YWHAZ: variants seen among roughly 807,000 people sequenced by gnomAD.
YWHAZ encodes tyrosine 3-monooxygenase/tryptophan 5-monooxygenase activation protein zeta, also known as 14-3-3 protein zeta/delta.
For missense variants in YWHAZ, 79 were observed against 284.8 expected (o/e 0.28, Z 5.20); for synonymous variants, 87 against 103.6 (o/e 0.84, Z 0.97).
intron 2 of YWHAZ, 23 bp from the exon 3 acceptor site, chr8:100,925,062 A>G (rs1813266873): frequency 2.5e-6 from 4 of 1,593,590 alleles, no homozygotes; most frequent in Admixed American, 1.8e-5. Context: ...AGAAACAGAC[A>G]TAGTGAGAAT....
At position 100,917,912 on chromosome 8, in the gene YWHAZ, A is replaced by T. The variant is rs181853150; in HGVS notation, c.*2781T>A. ...TCAGGTTGGAAATTTTCCTTAATCT[A>T]TTGGGAACTACTATGTAGAAAACAT... On this transcript the variant is annotated 3_prime_UTR_variant, in exon 6 of 6. Coordinates refer to ENST00000395958, the MANE Select transcript of YWHAZ (RefSeq NM_145690.3). 19 of 152,312 alleles carry T rather than the reference A, an allele frequency of 1.2e-4. No homozygotes were observed. Among genetic ancestry groups the T allele is most frequent in the Admixed American group, 2.0e-4 (3 of 15,300 alleles). 9.4% of individuals were successfully genotyped at this position (152,312 alleles called of 1,614,324 possible). A position where few individuals can be genotyped will look rare whatever the true frequency, so the allele number is the denominator to read the frequency against.
At chr8:100,927,364 A>C (rs1446214165) in intron 2 of YWHAZ, among the ~76,000 whole-genome samples, 1 of 152,130 alleles carries the variant, frequency 6.6e-6, no homozygotes, top group African/African-American at 2.4e-5. Flanking sequence ...CTCTACAAAA[A>C]AATTTAAAAG....
chr8:100,920,698 T>A lies in YWHAZ; in HGVS notation c.733A>T (p.Asn245Tyr). The A allele has an allele frequency of 6.2e-7, 1 of 1,608,816 alleles. No individual in the cohort carries two copies. Among genetic ancestry groups the A allele is most frequent in the Non-Finnish European group, 8.5e-7 (1 of 1,177,784 alleles). ...GACAAAAGTTGGAAGGCCGGTTAAT[T>A]TTCCCCTCCTTCTCCTGCTTCAGCT... ...DEAEAGEGGE[N>Y] Residue 245 changes from asparagine to tyrosine, a missense_variant, in exon 6 of 6, where the codon AAT (asparagine) becomes TAT (tyrosine). Coordinates refer to ENST00000395958, the MANE Select transcript of YWHAZ (RefSeq NM_145690.3).
At chr8:100,943,915 A>G (rs899915450) in intron 2 of YWHAZ, among the ~76,000 whole-genome samples, 13 of 148,442 alleles carry the variant, frequency 8.8e-5, no homozygotes, top group Admixed American at 2.1e-4. Context: ...TGAGCCCGGA[A>G]GGCAGAGCTT....
Position 100,920,482 on chromosome 8 carries a change from C to G in YWHAZ, c.*211G>C, listed in dbSNP as rs1586076655. On this transcript the variant is annotated 3_prime_UTR_variant, in exon 6 of 6. Transcript: ENST00000395958. ...TTCCACATCCCCATATTGGCCACCT[C>G]AAGATGAAAACAGATAACTCCCTAA... is the stretch of plus-strand genomic sequence containing the variant. 1.7e-6 allele frequency: 1 copy of G among 576,752 alleles called. No homozygotes were observed. The highest frequency in any genetic ancestry group is 3.0e-5 in the East Asian group (1 of 33,488). 35.7% of individuals were successfully genotyped at this position (576,752 alleles called of 1,614,324 possible).
intron 2 of YWHAZ, among the ~76,000 whole-genome samples, chr8:100,947,058 C>T (rs560271979): frequency 1.3e-5 from 2 of 151,260 alleles, no homozygotes; most frequent in South Asian, 4.2e-4. Flanking sequence ...TCGAGACCAT[C>T]CTGGCTAACA....
rs1417734887 is a variant in YWHAZ, at chr8:100,950,342, C to G, written c.-11-1442G>C. The G allele has an allele frequency of 9.2e-6, 9 of 980,646 alleles. No individual in the cohort carries two copies. The South Asian group carries it at 3.8e-4, about 41-fold the overall frequency. The allele number at this position is 980,646 out of a possible 1,614,324, so 60.7% of individuals were successfully genotyped here. On this transcript the variant is annotated intron_variant, in intron 1 of 5. Transcript: ENST00000395958. ...GTGGATAAGGTTTCTCACACAGTAA[C>G]GAGTGCTCCAAGGCCTCGCCTCTAC...
In YWHAZ at chr8:100,918,411, T is replaced by TAA. The variant is rs1812802161; in HGVS notation, c.*2281_*2282insTT. The TAA allele has an allele frequency of 2.0e-5, 1 of 51,086 alleles. No homozygotes were observed. Among genetic ancestry groups the TAA allele is most frequent in the Non-Finnish European group, 3.8e-5 (1 of 26,530 alleles). The allele number at this position is 51,086 out of a possible 1,614,324, so 3.2% of individuals were successfully genotyped here. ...CTAGCTATAAAATATAATTACTTTA[T>TAA]ATATATATATATATATATATATATA... On this transcript the variant is annotated 3_prime_UTR_variant, in exon 6 of 6. Transcript: ENST00000395958.
At chr8:100,949,867 A>C (rs962472857) in intron 1 of YWHAZ, among the ~76,000 whole-genome samples, 1 of 152,136 alleles carries the variant, frequency 6.6e-6, no homozygotes, top group African/African-American at 2.4e-5. Context: ...ATTTTTCTGG[A>C]AAGATACCCT....
At chr8:100,939,721 G>T (rs866754508) in intron 2 of YWHAZ, among the ~76,000 whole-genome samples, 2 of 151,666 alleles carry the variant, frequency 1.3e-5, no homozygotes, top group Admixed American at 1.3e-4. Flanking sequence ...TGTTCCTAAA[G>T]ATTAAAAGTG....
Position 100,948,471 on chromosome 8 carries a change from CTT to C in YWHAZ, c.294+123_294+124del, listed in dbSNP as rs1214489856. 95 of 1,113,662 alleles carry C rather than the reference CTT, an allele frequency of 8.5e-5. No individual in the cohort carries two copies. Among genetic ancestry groups the C allele is most frequent in the South Asian group, 6.5e-4 (41 of 63,070 alleles). The allele number at this position is 1,113,662 out of a possible 1,614,324, so 69.0% of individuals were successfully genotyped here. On this transcript the variant is annotated intron_variant, in intron 2 of 5. Coordinates refer to ENST00000395958, the MANE Select transcript of YWHAZ (RefSeq NM_145690.3). This position sits in a 1 kb window ranked among gnomAD's most constrained non-coding sequence, Gnocchi z 4.2. ...CTTTTTAGTCATGACACCATGAAGA[CTT>C]TTAAATTTGGAACACACAATGTTTA... is the stretch of plus-strand genomic sequence containing the variant.
At chr8:100,930,171 T>C (rs1305134997) in intron 2 of YWHAZ, among the ~76,000 whole-genome samples, 7 of 152,242 alleles carry the variant, frequency 4.6e-5, no homozygotes, top group African/African-American at 1.7e-4. Flanking sequence ...TGATCTTGGC[T>C]CACTGCAACC....
At chr8:100,938,382 T>G (rs1814349787) in intron 2 of YWHAZ, among the ~76,000 whole-genome samples, 1 of 152,212 alleles carries the variant, frequency 6.6e-6, no homozygotes, top group South Asian at 2.1e-4. Flanking sequence ...AGATCAGATG[T>G]CCCTTTAACC....
At chr8:100,952,300 C>G (rs1313713133), upstream of YWHAZ, 2 of 290,830 alleles carry the variant, frequency 6.9e-6, no homozygotes, top group African/African-American at 2.3e-5. Context: ...ACGCTTGTCC[C>G]GAGTGCACCT....
chr8:100,952,233 G>A, upstream of YWHAZ: 1 of 863,252 alleles, frequency 1.2e-6, no homozygotes, highest in South Asian at 5.3e-5. Context: ...GCGGAGGCGC[G>A]CGCGTCCTCG....
chr8:100,942,604 TGAAA>T (rs1809955619), intron 2 of YWHAZ, among the ~76,000 whole-genome samples: 1 of 152,216 alleles, frequency 6.6e-6, no homozygotes, highest in African/African-American at 2.4e-5. Context: ...CTTCTGATGC[TGAAA>T]GACAGATAAT....
rs762338064 is a variant in YWHAZ at position 100,923,955 on chromosome 8, T to C, written c.678A>G (p.Thr226=). 6.2e-7 allele frequency: 1 copy of C among 1,610,414 alleles called. No individual in the cohort carries two copies. The highest frequency in any genetic ancestry group is 8.5e-7 in the Non-Finnish European group (1 of 1,178,718). ...LIMQLLRDNL[T]LWTSDTQGDE... is the part of the protein sequence containing the mutation. Reference sequence around the variant, plus strand: ...ACTAATGATGCTGTTATGTACTTACTGTCAAGTTGTCTCTCAGTAATTGCA... The same window carrying C: ...ACTAATGATGCTGTTATGTACTTACCGTCAAGTTGTCTCTCAGTAATTGCA... The change falls in exon 5 of 6, where the codon ACA becomes ACG. Residue 226 remains threonine (T), a splice_region_variant and synonymous_variant. Coordinates refer to ENST00000395958, the MANE Select transcript of YWHAZ (RefSeq NM_145690.3).
In YWHAZ at chr8:100,918,344, C is replaced by CAAAAAAA; in HGVS notation, c.*2342_*2348dup. ...GGTGACAGAGCAAGACTCTTGTCTCCAAAAAAAAAAAAAACAACAAAAAAA... is the reference window on the plus strand; with the variant it reads ...GGTGACAGAGCAAGACTCTTGTCTCCAAAAAAAAAAAAAAAAAAAAACAACAAAAAAA... On this transcript the variant is annotated 3_prime_UTR_variant, in exon 6 of 6. Transcript: ENST00000395958. 1 of 39,166 alleles carries CAAAAAAA rather than the reference C, an allele frequency of 2.6e-5. No homozygotes were observed. Among genetic ancestry groups the CAAAAAAA allele is most frequent in the African/African-American group, 8.2e-5 (1 of 12,210 alleles). 2.4% of individuals were successfully genotyped at this position (39,166 alleles called of 1,614,324 possible).
chr8:100,946,527 G>A (rs1810283529), intron 2 of YWHAZ, among the ~76,000 whole-genome samples: 2 of 151,942 alleles, frequency 1.3e-5, no homozygotes, highest in African/African-American at 4.8e-5. Context: ...CTCCAGCCTG[G>A]GTGACAAGAG....
Sources: allele counts gnomAD v4.1 joint callset (sites outside exome capture counted in the v4.1 genomes callset), GRCh38; gene constraint gnomAD v4.1.1; non-coding constraint Gnocchi (gnomAD v3.1); transcripts MANE v1.5; gene names NCBI Gene and HGNC (gene_info 2026-07-23, HGNC 2026-07-21).